CCDC171: variants seen among roughly 807,000 people sequenced by gnomAD.
CCDC171 encodes coiled-coil domain containing 171.
In CCDC171, 177 loss-of-function variants were observed where a neutral mutation model predicts 168.2. The observed-to-expected ratio is 1.05, with a 90% confidence interval of 0.93 to 1.19. The LOEUF (loss-of-function observed/expected upper bound fraction) is 1.19. Among genes scored for constraint, CCDC171 ranks in the 50% most tolerant of loss-of-function variants. The pLI is 0.00. For missense variants in CCDC171, 1,991 were observed against 1,539.0 expected (o/e 1.29, Z -4.91); for synonymous variants, 687 against 540.8 (o/e 1.27, Z -3.75).
intron 25 of CCDC171, among the ~76,000 whole-genome samples, chr9:15,970,237 C>T (rs1831213722): frequency 1.3e-5 from 2 of 151,136 alleles, no homozygotes; most frequent in Admixed American, 1.3e-4. Flanking sequence ...AATGGTAACA[C>T]ATACAACAGT....
chr9:15,909,388 A>G (rs1589090228), intron 24 of CCDC171, among the ~76,000 whole-genome samples: 1 of 110,686 alleles, frequency 9.0e-6, no homozygotes, highest in Non-Finnish European at 1.9e-5. Context: ...TTATGCATTC[A>G]TGTACATGTG....
At position 15,744,582 on chromosome 9, in the gene CCDC171, G is replaced by T. The variant is rs1356455922; in HGVS notation, c.2359G>T (p.Ala787Ser). Residue 787 changes from alanine (A) to serine (S), a missense_variant, in exon 17 of 26, where the codon GCC becomes TCC. By Grantham distance (99) the Ala-to-Ser change is moderately conservative. Coordinates refer to ENST00000380701, the MANE Select transcript of CCDC171 (RefSeq NM_173550.4). ...TGTAGAGGAAAAGAAGCAAGAGGAA[G>T]CCAAGATGAAAAAGAAAACATTCAA... ...STVEEKKQEE[A>S]KMKKKTFKGL... 6.2e-7 allele frequency: 1 copy of T among 1,614,188 alleles called. No homozygotes were observed. Among genetic ancestry groups the T allele is most frequent in the Non-Finnish European group, 8.5e-7 (1 of 1,180,030 alleles).
At chr9:15,799,101 T>A (rs949355590) in intron 21 of CCDC171, among the ~76,000 whole-genome samples, 34 of 140,214 alleles carry the variant, frequency 2.4e-4, no homozygotes, top group Admixed American at 4.5e-4. Flanking sequence ...AAAGAAATTT[T>A]AAAAATAAGA....
chr9:15,719,395 G>T (rs1372856300), intron 11 of CCDC171, among the ~76,000 whole-genome samples: 3 of 102,768 alleles, frequency 2.9e-5, no homozygotes, highest in Non-Finnish European at 6.0e-5. Flanking sequence ...CTGGCGGGGG[G>T]GTGGGGGGCG....
At chr9:15,797,879 C>T (rs952062309) in intron 21 of CCDC171, among the ~76,000 whole-genome samples, 1 of 152,078 alleles carries the variant, frequency 6.6e-6, no homozygotes, top group African/African-American at 2.4e-5. Context: ...TATTCCTGTG[C>T]TGTTTAAAAC....
chr9:15,777,543 G>C (rs2057392807), intron 18 of CCDC171, 57 bp from the exon 19 acceptor site: 2 of 1,004,892 alleles, frequency 2.0e-6, no homozygotes, highest in Non-Finnish European at 3.0e-6. Flanking sequence ...TAGCAGTGTT[G>C]TGAAATGCAC....
intron 24 of CCDC171, among the ~76,000 whole-genome samples, chr9:15,900,478 T>C (rs1030400079): frequency 2.3e-4 from 35 of 151,324 alleles, no homozygotes; most frequent in Non-Finnish European, 3.5e-4. Context: ...AGATCACAGC[T>C]CCAGATGATA....
At chr9:15,653,435 C>T (rs902416189) in intron 7 of CCDC171, among the ~76,000 whole-genome samples, 3 of 152,068 alleles carry the variant, frequency 2.0e-5, no homozygotes, top group Admixed American at 1.3e-4. Context: ...AGCCACTGTG[C>T]CTGGCCTAAT....
chr9:15,663,716 C>T (rs997453876), intron 8 of CCDC171, among the ~76,000 whole-genome samples: 2 of 151,110 alleles, frequency 1.3e-5, no homozygotes, highest in Non-Finnish European at 1.5e-5. Flanking sequence ...TGCCATTCTC[C>T]TGCCTCAGCC....
chr9:15,590,775 T>TTCTTTCTTTCTTTC (rs2041927875), intron 4 of CCDC171, among the ~76,000 whole-genome samples: 8 of 84,790 alleles, frequency 9.4e-5, no homozygotes, highest in East Asian at 2.9e-4. Flanking sequence ...TTCTTTCTCT[T>TTCTTTCTTTCTTTC]TCTTTCTTTC....
At chr9:15,885,692 T>G (rs1819303758) in intron 24 of CCDC171, 1 of 152,212 alleles carries the variant, frequency 6.6e-6, no homozygotes, top group Non-Finnish European at 1.5e-5. Flanking sequence ...AAATGAAGAC[T>G]GATGAAGTTC....
the CCDC171 span, among the ~76,000 whole-genome samples, chr9:16,104,355 C>T: frequency 7.0e-6 from 1 of 141,968 alleles, no homozygotes; most frequent in Admixed American, 6.9e-5. Flanking sequence ...CTGCCTTTCT[C>T]TTCCAGCTGC....
intron 3 of CCDC171, among the ~76,000 whole-genome samples, chr9:15,577,875 A>G (rs963431570): frequency 2.6e-5 from 4 of 152,204 alleles, no homozygotes; most frequent in Non-Finnish European, 4.4e-5. Flanking sequence ...GAAAGGCAGA[A>G]ATAACTTGGC....
At chr9:16,076,171 G>C in the CCDC171 span, among the ~76,000 whole-genome samples, 1 of 152,166 alleles carries the variant, frequency 6.6e-6, no homozygotes, top group Non-Finnish European at 1.5e-5. Context: ...CTTGAGCGTT[G>C]CTCTGCTCTC....
the CCDC171 span, among the ~76,000 whole-genome samples, chr9:16,084,687 C>T: frequency 6.6e-6 from 1 of 152,126 alleles, no homozygotes; most frequent in South Asian, 2.1e-4. Flanking sequence ...ATGGGGGCCC[C>T]CAGGAAGCAG....
At chr9:15,681,888 A>T (rs2050063272) in intron 10 of CCDC171, among the ~76,000 whole-genome samples, 1 of 152,120 alleles carries the variant, frequency 6.6e-6, no homozygotes, top group Non-Finnish European at 1.5e-5. Context: ...TTTTAATGAC[A>T]TGCCATGATT....
chr9:15,615,913 G>A (rs900206702), intron 6 of CCDC171, among the ~76,000 whole-genome samples: 1 of 151,854 alleles, frequency 6.6e-6, no homozygotes, highest in African/African-American at 2.4e-5. Context: ...CAAGTACTGG[G>A]ACCACAGGCA....
At chr9:15,581,258 C>A (rs1484119414) in intron 4 of CCDC171, among the ~76,000 whole-genome samples, 2 of 152,132 alleles carry the variant, frequency 1.3e-5, no homozygotes, top group Non-Finnish European at 2.9e-5. Flanking sequence ...GAACTACAAA[C>A]CACTGCTCAA....
intron 3 of CCDC171, among the ~76,000 whole-genome samples, chr9:15,984,414 G>T (rs1323151665): frequency 1.3e-5 from 2 of 151,914 alleles, no homozygotes; most frequent in African/African-American, 4.8e-5. Flanking sequence ...ATATGAGTGT[G>T]TGTGTACATA....
Sources: gnomAD v4.1 joint callset for allele counts (sites outside exome capture counted in the v4.1 genomes callset) on GRCh38, gnomAD v4.1.1 for gene constraint, MANE v1.5 for transcripts, NCBI Gene and HGNC (gene_info 2026-07-23, HGNC 2026-07-21) for gene names.